LRP1B: variants seen among roughly 807,000 people sequenced by gnomAD.
LRP1B encodes LDL receptor related protein 1B.
Under a neutral mutation model 556.6 loss-of-function variants are expected in LRP1B, and 217 were observed. That is an observed-to-expected ratio of 0.39 (90% CI 0.35 to 0.44). The LOEUF (loss-of-function observed/expected upper bound fraction) is 0.44, where lower values mean the gene tolerates loss of function less well. Among genes scored for constraint, LRP1B ranks in the 20% least tolerant of loss-of-function variants. The probability of loss-of-function intolerance (pLI) is 1.00; values close to 1 mark genes in which losing one functional copy is unlikely to be tolerated. For synonymous variants in LRP1B, 2,047 were observed against 1,865.8 expected (o/e 1.10, Z -2.50); for missense variants, 5,053 against 5,620.8 (o/e 0.90, Z 3.23).
intron 7 of LRP1B, among the ~76,000 whole-genome samples, chr2:141,163,696 T>A (rs1680129701): frequency 6.6e-6 from 1 of 152,060 alleles, no homozygotes; most frequent in South Asian, 2.1e-4. Flanking sequence ...TTTATTTGGC[T>A]CGCATTCTCT....
intron 4 of LRP1B, among the ~76,000 whole-genome samples, chr2:141,248,294 A>G (rs1684140841): frequency 6.6e-6 from 1 of 152,178 alleles, no homozygotes; most frequent in Admixed American, 6.5e-5. Flanking sequence ...TCCCTGCAGA[A>G]GACAAAATCA....
chr2:141,108,640 G>A (rs1038697175), intron 7 of LRP1B, among the ~76,000 whole-genome samples: 6 of 151,870 alleles, frequency 4.0e-5, no homozygotes, highest in East Asian at 1.9e-4. Context: ...ATGAGCCACC[G>A]TGCCCGGCCA....
chr2:141,486,555 G>A (rs979863215), intron 2 of LRP1B, among the ~76,000 whole-genome samples: 3 of 151,934 alleles, frequency 2.0e-5, no homozygotes, highest in African/African-American at 4.8e-5. Context: ...TCACAACATC[G>A]TCATATCTTA....
At chr2:140,671,789 C>T (rs1413296568) in intron 41 of LRP1B, among the ~76,000 whole-genome samples, 2 of 152,128 alleles carry the variant, frequency 1.3e-5, no homozygotes, top group African/African-American at 2.4e-5. Flanking sequence ...CCTTTTATCA[C>T]GTGAGGTAAC....
At chr2:141,175,158 T>C (rs1261310497) in intron 7 of LRP1B, among the ~76,000 whole-genome samples, 1 of 152,038 alleles carries the variant, frequency 6.6e-6, no homozygotes, top group Admixed American at 6.6e-5. Context: ...GATCTGAAAA[T>C]GGAACTTATA....
At chr2:141,961,953 C>T (rs1701414566) in intron 1 of LRP1B, among the ~76,000 whole-genome samples, 1 of 151,640 alleles carries the variant, frequency 6.6e-6, no homozygotes, top group African/African-American at 2.4e-5. Context: ...TAATATGAGG[C>T]ATATTTCAAG....
intron 2 of LRP1B, among the ~76,000 whole-genome samples, chr2:141,584,998 A>T (rs1286821071): frequency 6.6e-6 from 1 of 152,204 alleles, no homozygotes; most frequent in Non-Finnish European, 1.5e-5. Context: ...AATATATTTA[A>T]CACTACTGAA....
intron 1 of LRP1B, among the ~76,000 whole-genome samples, chr2:142,037,093 G>A (rs1204526532): frequency 2.0e-5 from 3 of 151,526 alleles, no homozygotes; most frequent in South Asian, 2.1e-4. Context: ...CTTTATTCAC[G>A]TTCATAAATG....
intron 11 of LRP1B, among the ~76,000 whole-genome samples, chr2:141,025,961 G>T (rs547061313): frequency 6.6e-6 from 1 of 152,162 alleles, no homozygotes; most frequent in South Asian, 2.1e-4. Flanking sequence ...GGGGCATATA[G>T]ATCATTGTAC....
intron 37 of LRP1B, among the ~76,000 whole-genome samples, chr2:140,708,197 A>G (rs1215334896): frequency 6.6e-6 from 1 of 152,068 alleles, no homozygotes; most frequent in Admixed American, 6.6e-5. Flanking sequence ...TTGAACAATG[A>G]TAATGTTGAA....
intron 86 of LRP1B, among the ~76,000 whole-genome samples, chr2:140,269,002 GCTA>G (rs958976730): frequency 2.0e-5 from 3 of 151,842 alleles, no homozygotes; most frequent in Non-Finnish European, 4.4e-5. Context: ...CTAATTAAAA[GCTA>G]CTATTTTCTA....
At chr2:141,496,321 G>A (rs751072645) in intron 2 of LRP1B, among the ~76,000 whole-genome samples, 3 of 151,796 alleles carry the variant, frequency 2.0e-5, no homozygotes, top group African/African-American at 4.8e-5. Flanking sequence ...ATCACCTAGA[G>A]GTCTTAAAGT....
intron 37 of LRP1B, among the ~76,000 whole-genome samples, chr2:140,713,964 T>G (rs1046954396): frequency 6.6e-6 from 1 of 152,142 alleles, no homozygotes; most frequent in African/African-American, 2.4e-5. Flanking sequence ...TATAGTGATC[T>G]TATGAAACTT....
Position 141,378,842 on chromosome 2 carries a change from A to G in LRP1B, c.343+101554T>C, listed in dbSNP as rs1689530940. 2.0e-5 allele frequency among the ~76,000 whole-genome samples: 3 copies of G among 152,346 alleles called. No individual in the cohort carries two copies. In the East Asian group the frequency reaches 5.8e-4, roughly 29 times the overall value. Reference sequence around the variant, plus strand: ...TCAGTCTGAAGAGCTGAAAGCCCAAATATGAAGAAGAATGAACAGACACTA... The same window carrying G: ...TCAGTCTGAAGAGCTGAAAGCCCAAGTATGAAGAAGAATGAACAGACACTA... On this transcript the variant is annotated intron_variant, in intron 3 of 90. Transcript: ENST00000389484.
chr2:141,721,429 T>C (rs961552648), intron 2 of LRP1B, among the ~76,000 whole-genome samples: 11 of 152,158 alleles, frequency 7.2e-5, no homozygotes, highest in African/African-American at 2.4e-4. Context: ...AAGCAGATTG[T>C]AAAAAGCCCC....
intron 24 of LRP1B, among the ~76,000 whole-genome samples, chr2:140,884,520 A>G (rs1003807702): frequency 5.9e-5 from 9 of 152,126 alleles, no homozygotes; most frequent in Non-Finnish European, 8.8e-5. Flanking sequence ...GATAATAGCT[A>G]CTACTATATT....
chr2:141,153,070 A>C (rs1403061774), intron 7 of LRP1B, among the ~76,000 whole-genome samples: 1 of 149,666 alleles, frequency 6.7e-6, no homozygotes. Context: ...AAATATTATC[A>C]TGAAACTGAC....
intron 1 of LRP1B, among the ~76,000 whole-genome samples, chr2:142,019,364 T>A (rs1258356425): frequency 6.6e-6 from 1 of 152,196 alleles, no homozygotes; most frequent in Non-Finnish European, 1.5e-5. Context: ...AACCTTGGGA[T>A]GTTCTTTGAC....
intron 2 of LRP1B, among the ~76,000 whole-genome samples, chr2:141,617,542 C>T (rs1232954843): frequency 3.3e-5 from 5 of 152,094 alleles, no homozygotes; most frequent in Non-Finnish European, 7.4e-5. Context: ...TCATATCTAT[C>T]AATGCTTTCC....
Sources: allele counts gnomAD v4.1 joint callset (sites outside exome capture counted in the v4.1 genomes callset), GRCh38; gene constraint gnomAD v4.1.1; transcripts MANE v1.5; gene names NCBI Gene and HGNC (gene_info 2026-07-23, HGNC 2026-07-21).